SLC16A2: variants seen among roughly 807,000 people sequenced by gnomAD.
SLC16A2 encodes monocarboxylate transporter 8.
Under a neutral mutation model 27.2 loss-of-function variants are expected in SLC16A2, and 3 were observed. The observed-to-expected ratio is 0.11, with a 90% CI of 0.05 to 0.28. The LOEUF (loss-of-function observed/expected upper bound fraction) is 0.28, where lower values mean the gene tolerates loss of function less well. Ranked by LOEUF, SLC16A2 falls within the 10% of genes least tolerant of loss-of-function variation. SLC16A2 has a pLI of 1.00. For missense variants in SLC16A2, 295 were observed against 458.5 expected, an observed-to-expected ratio of 0.64 and a Z score of 3.26; for synonymous variants, 202 against 187.8, an observed-to-expected ratio of 1.08 and a Z score of -0.62.
intron 1 of SLC16A2, among the ~76,000 whole-genome samples, chrX:74,450,773 A>G (rs1043589962): frequency 4.5e-5 from 5 of 111,963 alleles, no homozygotes; most frequent in African/African-American, 1.6e-4. Flanking sequence ...GTCCCATGAG[A>G]AGTATGTTGA....
At chrX:74,476,686 A>G (rs1929486608) in intron 1 of SLC16A2, among the ~76,000 whole-genome samples, 1 of 112,090 alleles carries the variant, frequency 8.9e-6, no homozygotes, top group African/African-American at 3.2e-5. Context: ...TTTTAGCATG[A>G]AGGGCTGTTG....
intron 1 of SLC16A2, among the ~76,000 whole-genome samples, chrX:74,466,427 C>T (rs1929251630): frequency 9.0e-6 from 1 of 111,525 alleles, no homozygotes; most frequent in Non-Finnish European, 1.9e-5. Context: ...GCTCATGTCT[C>T]ATGTCCTTTA....
chrX:74,435,930 G>A (rs980722427), intron 1 of SLC16A2, among the ~76,000 whole-genome samples: 4 of 110,663 alleles, frequency 3.6e-5, no homozygotes, highest in African/African-American at 1.3e-4. Context: ...TATGCATTGA[G>A]AAAGTTGAAC....
intron 1 of SLC16A2, among the ~76,000 whole-genome samples, chrX:74,428,524 G>A (rs1021792810): frequency 1.8e-5 from 2 of 110,369 alleles, no homozygotes; most frequent in Non-Finnish European, 3.8e-5. Context: ...TCTTCCTACT[G>A]CTCAGTTAGA....
chrX:74,510,896 TAA>T (rs576905046), intron 1 of SLC16A2, among the ~76,000 whole-genome samples: 4 of 92,997 alleles, frequency 4.3e-5, no homozygotes, highest in Non-Finnish European at 4.3e-5. Flanking sequence ...TTCAAAAACT[TAA>T]AAAAAAAAAA....
At position 74,421,661 on chromosome X, in the gene SLC16A2, C is replaced by G; in HGVS notation, c.24C>G (p.Ser8Arg). Residue 8 changes from serine to arginine, a missense_variant, in exon 1 of 6, where the codon AGC becomes AGG. Coordinates refer to ENST00000587091, the MANE Select transcript of SLC16A2 (RefSeq NM_006517.5). MALQSQA[S>R]EEAKGPWQEA... ...CGATGGCGCTGCAAAGCCAGGCGAG[C>G]GAGGAAGCAAAGGGGCCCTGGCAGG... is the stretch of plus-strand genomic sequence containing the variant. The G allele has an allele frequency of 4.2e-6, 5 of 1,203,230 alleles. No individual in the cohort carries two copies. The African/African-American group carries it at 5.2e-5, about 12-fold the overall frequency.
At chrX:74,483,987 T>C (rs762801684) in intron 1 of SLC16A2, among the ~76,000 whole-genome samples, 1 of 111,278 alleles carries the variant, frequency 9.0e-6, no homozygotes, top group South Asian at 3.9e-4. Flanking sequence ...ACTACCCTCC[T>C]AGAGTCAAAC....
intron 4 of SLC16A2, 105 bp downstream of exon 4, chrX:74,525,998 AAG>A: frequency 1.1e-6 from 1 of 925,335 alleles, no homozygotes; most frequent in Non-Finnish European, 1.5e-6. Flanking sequence ...TCGCATGGGA[AAG>A]TCAATCAAAT....
chrX:74,514,844 T>C (rs991516808), intron 1 of SLC16A2, among the ~76,000 whole-genome samples: 1 of 112,121 alleles, frequency 8.9e-6, no homozygotes, highest in African/African-American at 3.2e-5. Flanking sequence ...TCTTAGAGTG[T>C]CAATAGAAGC....
chrX:74,427,786 C>T (rs776561129), intron 1 of SLC16A2, among the ~76,000 whole-genome samples: 46 of 98,832 alleles, frequency 4.7e-4, no homozygotes, highest in Non-Finnish European at 5.2e-4. Context: ...TGTGCGCAAG[C>T]GCATGCGCAC....
intron 1 of SLC16A2, among the ~76,000 whole-genome samples, chrX:74,429,270 C>G (rs1168486696): frequency 1.8e-5 from 2 of 111,312 alleles, no homozygotes; most frequent in Non-Finnish European, 3.8e-5. Context: ...GAGTTTGAGG[C>G]CAGCCTGGGC....
intron 2 of SLC16A2, among the ~76,000 whole-genome samples, chrX:74,523,271 A>G (rs944648939): frequency 8.9e-6 from 1 of 112,479 alleles, no homozygotes; most frequent in African/African-American, 3.2e-5. Flanking sequence ...ATGGAAAGCA[A>G]TAGTGATGAC....
chrX:74,509,285 G>A (rs1054455808), intron 1 of SLC16A2, among the ~76,000 whole-genome samples: 1 of 111,307 alleles, frequency 9.0e-6, no homozygotes, highest in Non-Finnish European at 1.9e-5. Context: ...ACCGTAGTGT[G>A]GAACCATTCA....
At chrX:74,520,910 G>A in intron 1 of SLC16A2, 80 bp from the exon 2 acceptor site, 2 of 1,105,936 alleles carry the variant, frequency 1.8e-6, no homozygotes, top group Admixed American at 2.2e-5. Flanking sequence ...TGAAAGGCCA[G>A]AGAAGAAGAG....
At chrX:74,455,631 C>G (rs1459097661) in intron 1 of SLC16A2, among the ~76,000 whole-genome samples, 1 of 110,370 alleles carries the variant, frequency 9.1e-6, no homozygotes, top group African/African-American at 3.3e-5. Flanking sequence ...TGTGGCTCCT[C>G]CTACATTTTG....
chrX:74,449,657 G>A (rs1055532029), intron 1 of SLC16A2, among the ~76,000 whole-genome samples: 8 of 111,178 alleles, frequency 7.2e-5, no homozygotes, highest in African/African-American at 2.0e-4. Context: ...CTCCTCCCTG[G>A]TCCTCTCTTG....
chrX:74,461,293 T>C (rs1929136264), intron 1 of SLC16A2, among the ~76,000 whole-genome samples: 1 of 111,848 alleles, frequency 8.9e-6, no homozygotes, highest in Admixed American at 9.5e-5. Context: ...TCAGCTCTTA[T>C]TTTTTGTGAC....
intron 1 of SLC16A2, among the ~76,000 whole-genome samples, chrX:74,515,005 G>A (rs934898572): frequency 9.0e-5 from 10 of 111,283 alleles, no homozygotes; most frequent in African/African-American, 3.3e-4. Context: ...AGAAAATCAC[G>A]AATCACACCA....
chrX:74,509,868 A>G (rs747589859), intron 1 of SLC16A2, among the ~76,000 whole-genome samples: 1 of 112,597 alleles, frequency 8.9e-6, no homozygotes, highest in African/African-American at 3.2e-5. Context: ...CTCCCAGCCT[A>G]TCCTTTTTAG....
Sources: allele counts gnomAD v4.1 joint callset (sites outside exome capture counted in the v4.1 genomes callset), GRCh38; gene constraint gnomAD v4.1.1; transcripts MANE v1.5; gene names NCBI Gene and HGNC (gene_info 2026-07-23, HGNC 2026-07-21).